The following PPP2R2C variants were observed in gnomAD, a reference collection of about 807,000 sequenced individuals.
The protein encoded by PPP2R2C is protein phosphatase 2, regulatory subunit B, gamma.
A neutral mutation model predicts 45.3 loss-of-function variants in PPP2R2C; 10 were observed. The ratio of observed to expected loss-of-function variants is 0.22; its 90% CI spans 0.14 to 0.37. The LOEUF (loss-of-function observed/expected upper bound fraction) is 0.37. PPP2R2C is among the 10% of genes least tolerant of loss of function. PPP2R2C has a pLI of 1.00. For missense variants in PPP2R2C, 308 were observed against 619.7 expected, an observed-to-expected ratio of 0.50 and a Z score of 5.34; for synonymous variants, 257 against 245.4, an observed-to-expected ratio of 1.05 and a Z score of -0.44.
At position 6,331,790 on chromosome 4, in the gene PPP2R2C, G is replaced by GC. The variant is rs998301261; in HGVS notation, c.960+1771dup. ...ACTGTGGCGCTGCCGGGGTCATGGA[G>GC]CCCCCCCACCTTCCTGGACTGCCCT... is the stretch of plus-strand genomic sequence containing the variant. On this transcript the variant is annotated intron_variant, in intron 7 of 8. Transcript: ENST00000382599. This position sits in a 1 kb window ranked among gnomAD's most constrained non-coding sequence, Gnocchi z 5.9. Among the ~76,000 whole-genome samples, 89 of 152,054 alleles carry GC rather than the reference G, an allele frequency of 5.9e-4. No homozygotes were observed. Among genetic ancestry groups the GC allele is most frequent in the Non-Finnish European group, 1.1e-3 (78 of 68,004 alleles).
intron 2 of PPP2R2C, among the ~76,000 whole-genome samples, chr4:6,518,922 T>TAAAAAAAAAAAAAAAAAAAAAAAA (rs56002128): frequency 2.5e-4 from 23 of 92,918 alleles, no homozygotes; most frequent in Non-Finnish European, 3.4e-4. Flanking sequence ...GACTCTGTCT[T>TAAAAAAAAAAAAAAAAAAAAAAAA]AAAAAAAAAA....
intron 1 of PPP2R2C, among the ~76,000 whole-genome samples, chr4:6,454,863 T>C (rs1720933490): frequency 6.6e-6 from 1 of 152,210 alleles, no homozygotes; most frequent in Non-Finnish European, 1.5e-5. Flanking sequence ...CAACATGTCA[T>C]TACACAGGAG....
chr4:6,379,256 C>T (rs1184379057), intron 2 of PPP2R2C, among the ~76,000 whole-genome samples: 2 of 152,134 alleles, frequency 1.3e-5, no homozygotes, highest in East Asian at 1.9e-4. Context: ...GACCCTTGAC[C>T]GTGGAGCTCC....
At chr4:6,343,668 C>T (rs1054916655) in intron 6 of PPP2R2C, among the ~76,000 whole-genome samples, 1 of 151,920 alleles carries the variant, frequency 6.6e-6, no homozygotes, top group African/African-American at 2.4e-5. Flanking sequence ...TGCAGTGAGC[C>T]AAGATCGTGT....
At chr4:6,416,173 A>AG (rs751311463) in intron 1 of PPP2R2C, among the ~76,000 whole-genome samples, 44,215 of 151,890 alleles carry the variant, frequency 0.29, 6,853 homozygotes, top group East Asian at 0.61. Flanking sequence ...CCTAACAAGG[A>AG]TAACAACCTT....
At chr4:6,447,019 AGAGGTCCTGCCAG>A (rs991159611) in intron 1 of PPP2R2C, among the ~76,000 whole-genome samples, 3 of 152,162 alleles carry the variant, frequency 2.0e-5, no homozygotes, top group Non-Finnish European at 4.4e-5. Flanking sequence ...CTCAAAGCAC[AGAGGTCCTGCCAG>A]GAGGTCCTGC....
Position 6,345,240 on chromosome 4 carries a change from G to A in PPP2R2C, c.790+2606C>T, listed in dbSNP as rs528042310. Among the ~76,000 whole-genome samples, 25 of 152,228 alleles carry A rather than the reference G, an allele frequency of 1.6e-4. No individual in the cohort carries two copies. Among genetic ancestry groups the A allele is most frequent in the African/African-American group, 5.8e-4 (24 of 41,526 alleles). Reference sequence around the variant, plus strand: ...CCCCAATATTCTCCCATTCCATTCGGACCCAGACCTGGCTGTACACAGGCA... The same window carrying A: ...CCCCAATATTCTCCCATTCCATTCGAACCCAGACCTGGCTGTACACAGGCA... On this transcript the variant is annotated intron_variant, in intron 6 of 8. Coordinates refer to ENST00000382599, the MANE Select transcript of PPP2R2C (RefSeq NM_020416.4). The surrounding 1 kb of genome is among the most constrained non-coding windows in gnomAD (Gnocchi z 5.3).
chr4:6,410,556 G>C (rs1370613462), intron 1 of PPP2R2C, among the ~76,000 whole-genome samples: 1 of 152,188 alleles, frequency 6.6e-6, no homozygotes, highest in Non-Finnish European at 1.5e-5. Flanking sequence ...ACGCCAGGTG[G>C]TAGGTACTGT....
rs1732412970 is a variant in PPP2R2C, at chr4:6,331,518, G to T, written c.960+2044C>A. Reference sequence around the variant, plus strand: ...AATCTTCCCAGCCACTATGGTGGCTGCCAGGGACCCATTCTAGACAATGAG... The same window carrying T: ...AATCTTCCCAGCCACTATGGTGGCTTCCAGGGACCCATTCTAGACAATGAG... On this transcript the variant is annotated intron_variant, in intron 7 of 8. Transcript: ENST00000382599. The surrounding 1 kb of genome is among the most constrained non-coding windows in gnomAD (Gnocchi z 5.9). Among the ~76,000 whole-genome samples, 1 of 152,160 alleles carries T rather than the reference G, an allele frequency of 6.6e-6. No individual in the cohort carries two copies. Among genetic ancestry groups the T allele is most frequent in the African/African-American group, 2.4e-5 (1 of 41,428 alleles).
At chr4:6,442,038 C>T (rs879481279) in intron 1 of PPP2R2C, among the ~76,000 whole-genome samples, 5 of 152,170 alleles carry the variant, frequency 3.3e-5, no homozygotes, top group African/African-American at 1.2e-4. Flanking sequence ...AAACGGTGTC[C>T]GTGGGTGGGG....
intron 1 of PPP2R2C, among the ~76,000 whole-genome samples, chr4:6,435,954 A>G (rs758726868): frequency 3.3e-5 from 5 of 152,118 alleles, no homozygotes; most frequent in East Asian, 1.9e-4. Context: ...TTAGCCCCCA[A>G]TGTGATGGTC....
chr4:6,504,484 C>G (rs1044760085), intron 2 of PPP2R2C, among the ~76,000 whole-genome samples: 7 of 151,870 alleles, frequency 4.6e-5, no homozygotes, highest in Admixed American at 3.3e-4. Context: ...AGATGGACCC[C>G]AAATGCTGGA....
At chr4:6,398,313 G>A (rs1337505604) in intron 1 of PPP2R2C, among the ~76,000 whole-genome samples, 1 of 138,972 alleles carries the variant, frequency 7.2e-6, no homozygotes, top group Non-Finnish European at 1.6e-5. Context: ...AAAGAAAATG[G>A]CAAGGCATGG....
At chr4:6,383,421 A>G in intron 1 of PPP2R2C, 1 of 1,289,790 alleles carries the variant, frequency 7.8e-7, no homozygotes, top group Non-Finnish European at 1.0e-6. Context: ...CCCCAGCCTC[A>G]TCTACTGCTC....
At chr4:6,522,886 G>C (rs75323190) in intron 2 of PPP2R2C, among the ~76,000 whole-genome samples, 2,420 of 152,362 alleles carry the variant, frequency 0.016, 65 homozygotes, top group African/African-American at 0.054. Context: ...TACTCCTAAT[G>C]GCTTTCTAAG....
At chr4:6,526,208 C>T (rs935083882) in intron 2 of PPP2R2C, among the ~76,000 whole-genome samples, 1 of 152,244 alleles carries the variant, frequency 6.6e-6, no homozygotes, top group Non-Finnish European at 1.5e-5. Context: ...ACACACGTCT[C>T]CGTGAATATT....
chr4:6,343,239 C>T (rs982915690), intron 6 of PPP2R2C, among the ~76,000 whole-genome samples: 1 of 152,174 alleles, frequency 6.6e-6, no homozygotes, highest in African/African-American at 2.4e-5. Context: ...GACACTTCAG[C>T]CACTCGCCCC....
Position 6,366,297 on chromosome 4 carries a change from C to T in PPP2R2C, c.625+6226G>A, listed in dbSNP as rs185130904. 2.2e-3 allele frequency among the ~76,000 whole-genome samples: 342 copies of T among 152,336 alleles called. 1 individual carries two copies. Among genetic ancestry groups the T allele is most frequent in the African/African-American group, 8.0e-3 (332 of 41,584 alleles). Reference sequence around the variant, plus strand: ...GTCTCAGCCCAGGCCCGCCAGGGCCCAAAGCCCGGGCTCCTTCTCCTGCAC... The same window carrying T: ...GTCTCAGCCCAGGCCCGCCAGGGCCTAAAGCCCGGGCTCCTTCTCCTGCAC... On this transcript the variant is annotated intron_variant, in intron 5 of 8. Transcript: ENST00000382599.
At chr4:6,491,124 T>C (rs1722687960) in intron 2 of PPP2R2C, among the ~76,000 whole-genome samples, 1 of 152,204 alleles carries the variant, frequency 6.6e-6, no homozygotes. Context: ...GTCATCTCTG[T>C]GGACAGGGAT....
Sources: gnomAD v4.1 joint callset for allele counts (sites outside exome capture counted in the v4.1 genomes callset) on GRCh38, gnomAD v4.1.1 for gene constraint, Gnocchi (gnomAD v3.1) non-coding constraint, MANE v1.5 for transcripts, NCBI Gene and HGNC (gene_info 2026-07-23, HGNC 2026-07-21) for gene names.